Variants in CACHD1 observed in about 807,000 individuals in gnomAD.
CACHD1 encodes the protein VWFA and cache domain-containing protein 1.
CACHD1 carries 71 observed loss-of-function variants against 138.7 expected under a neutral mutation model. The observed-to-expected ratio is 0.51, with a 90% confidence interval of 0.42 to 0.62. The LOEUF (loss-of-function observed/expected upper bound fraction) is 0.62. CACHD1 is among the 20% of genes least tolerant of loss of function. CACHD1 has a pLI of 0.00. For missense variants in CACHD1, 1,389 were observed against 1,625.3 expected, an observed-to-expected ratio of 0.85 and a Z score of 2.50; for synonymous variants, 578 against 591.5, an observed-to-expected ratio of 0.98 and a Z score of 0.33.
intron 16 of CACHD1, among the ~76,000 whole-genome samples, chr1:64,671,072 A>C (rs773372827): frequency 6.6e-6 from 1 of 152,186 alleles, no homozygotes; most frequent in Non-Finnish European, 1.5e-5. Context: ...TGTGGGAAAA[A>C]AACTGGACTA....
At chr1:64,473,700 T>C (rs1024028042) in intron 1 of CACHD1, among the ~76,000 whole-genome samples, 1 of 152,250 alleles carries the variant, frequency 6.6e-6, no homozygotes, top group African/African-American at 2.4e-5. Context: ...ACCATCTCAC[T>C]TTATGAGAAA....
At chr1:64,604,796 G>C (rs541708070) in intron 4 of CACHD1, among the ~76,000 whole-genome samples, 15 of 148,622 alleles carry the variant, frequency 1.0e-4, no homozygotes, top group Non-Finnish European at 1.9e-4. Context: ...GGGATTATAG[G>C]TGCCCACCAC....
chr1:64,487,051 G>C (rs1208328435), intron 1 of CACHD1, among the ~76,000 whole-genome samples: 1 of 152,096 alleles, frequency 6.6e-6, no homozygotes, highest in Non-Finnish European at 1.5e-5. Flanking sequence ...TGTGTGAAGG[G>C]CTGAAAGAAG....
In CACHD1 at chr1:64,470,570, C is replaced by G. The variant is rs1372520140; in HGVS notation, c.-175C>G. On this transcript the variant is annotated 5_prime_UTR_variant, in exon 1 of 27. Transcript: ENST00000651257. This position sits in a 1 kb window ranked among gnomAD's most constrained non-coding sequence, Gnocchi z 5.2. ...CCGCGATGGTGGCCGCCCGCGCTCC[C>G]GCGCTGTAGCCGGGCGCCCCCTAAG... 6.6e-6 allele frequency among the ~76,000 whole-genome samples: 1 copy of G among 151,830 alleles called. No individual in the cohort carries two copies. Among genetic ancestry groups the G allele is most frequent in the Non-Finnish European group, 1.5e-5 (1 of 67,924 alleles).
At chr1:64,589,944 AT>A (rs1458195290) in intron 3 of CACHD1, among the ~76,000 whole-genome samples, 1 of 152,110 alleles carries the variant, frequency 6.6e-6, no homozygotes, top group Admixed American at 6.5e-5. Context: ...TAACCTTCGG[AT>A]TTAGACTGGA....
In CACHD1 at chr1:64,470,991, A is replaced by G. The variant is rs1168625924; in HGVS notation, c.198+49A>G. 1 of 1,522,398 alleles carries G rather than the reference A, an allele frequency of 6.6e-7. No individual in the cohort carries two copies. Among genetic ancestry groups the G allele is most frequent in the Admixed American group, 1.9e-5 (1 of 52,104 alleles). 94.3% of individuals were successfully genotyped at this position (1,522,398 alleles called of 1,614,324 possible). On this transcript the variant is annotated intron_variant, in intron 1 of 26. Coordinates refer to ENST00000651257, the MANE Select transcript of CACHD1 (RefSeq NM_020925.4). The surrounding 1 kb of genome is among the most constrained non-coding windows in gnomAD (Gnocchi z 5.2). ...GACATCCCGCCTTTCTCCTTTGCTC[A>G]AACTCCCATCCCACTCCCGGTACAA...
In CACHD1 at chr1:64,602,823, A is replaced by G; in HGVS notation, c.428A>G (p.Asn143Ser). The change falls in exon 4 of 27, where the codon AAT becomes AGT. Residue 143 changes from asparagine (N) to serine (S), a missense_variant. Asn to Ser is a conservative substitution (Grantham distance 46). Coordinates refer to ENST00000651257, the MANE Select transcript of CACHD1 (RefSeq NM_020925.4). ...TGTTTCAGATTCGATGGGAACTTTAATACCAATGTGTCTAGAACAATTAGT... is the reference window on the plus strand; with the variant it reads ...TGTTTCAGATTCGATGGGAACTTTAGTACCAATGTGTCTAGAACAATTAGT... ...PSMMEFDGNF[N>S]TNVSRTISCD... 2 of 1,612,532 alleles carry G rather than the reference A, an allele frequency of 1.2e-6. No individual in the cohort carries two copies. Among genetic ancestry groups the G allele is most frequent in the East Asian group, 2.2e-5 (1 of 44,846 alleles).
intron 3 of CACHD1, among the ~76,000 whole-genome samples, chr1:64,591,210 G>A (rs1425661496): frequency 6.6e-6 from 1 of 152,040 alleles, no homozygotes; most frequent in Admixed American, 6.6e-5. Flanking sequence ...TCATCCATTC[G>A]TTTGAAAAAA....
chr1:64,475,854 G>A (rs1428845761), intron 1 of CACHD1, among the ~76,000 whole-genome samples: 1 of 152,144 alleles, frequency 6.6e-6, no homozygotes, highest in African/African-American at 2.4e-5. Flanking sequence ...CTAAAGCCTA[G>A]TCCATGCCCT....
intron 14 of CACHD1, 113 bp downstream of exon 14, chr1:64,663,950 G>A: frequency 5.1e-6 from 7 of 1,364,760 alleles, no homozygotes; most frequent in Non-Finnish European, 7.1e-6. Context: ...GTGCCTCTCA[G>A]CTGGAGAGCT....
chr1:64,647,678 CTG>C, intron 8 of CACHD1, 121 bp from the exon 9 acceptor site: 3 of 733,920 alleles, frequency 4.1e-6, no homozygotes, highest in African/African-American at 1.8e-5. Context: ...TATGTGGTCT[CTG>C]CAAAAACCCC....
At chr1:64,651,530 C>T (rs1266444855) in intron 9 of CACHD1, among the ~76,000 whole-genome samples, 1 of 152,124 alleles carries the variant, frequency 6.6e-6, no homozygotes, top group Non-Finnish European at 1.5e-5. Flanking sequence ...TGGCTCATCC[C>T]CATAGTCCCA....
Position 64,470,707 on chromosome 1 carries a change from C to A in CACHD1, c.-38C>A. The A allele has an allele frequency of 2.0e-6, 1 of 493,578 alleles. No homozygotes were observed. Among genetic ancestry groups the A allele is most frequent in the Non-Finnish European group, 3.4e-6 (1 of 290,392 alleles). 30.6% of individuals were successfully genotyped at this position (493,578 alleles called of 1,614,324 possible). On this transcript the variant is annotated 5_prime_UTR_variant, in exon 1 of 27. Coordinates refer to ENST00000651257, the MANE Select transcript of CACHD1 (RefSeq NM_020925.4). This position sits in a 1 kb window ranked among gnomAD's most constrained non-coding sequence, Gnocchi z 5.2. ...GCACCTCCCGCGGCCCGCTTCCCCGCGCCCGGAGCCCGTCGGCGGGGAGTG... is the reference window on the plus strand; with the variant it reads ...GCACCTCCCGCGGCCCGCTTCCCCGAGCCCGGAGCCCGTCGGCGGGGAGTG...
At chr1:64,500,175 C>G (rs768736015) in intron 1 of CACHD1, among the ~76,000 whole-genome samples, 4 of 152,190 alleles carry the variant, frequency 2.6e-5, no homozygotes, top group Non-Finnish European at 4.4e-5. Flanking sequence ...GGTAATGACA[C>G]AGGTTACTTC....
At chr1:64,635,109 G>A (rs1326387975) in intron 7 of CACHD1, among the ~76,000 whole-genome samples, 1 of 151,590 alleles carries the variant, frequency 6.6e-6, no homozygotes, top group Non-Finnish European at 1.5e-5. Flanking sequence ...ATCAAAGATG[G>A]TCAGTCTGTA....
chr1:64,686,289 T>A (rs1650368959), intron 26 of CACHD1, among the ~76,000 whole-genome samples: 1 of 152,208 alleles, frequency 6.6e-6, no homozygotes, highest in South Asian at 2.1e-4. Context: ...TCGGCTCTCA[T>A]GGTATGAGTT....
intron 2 of CACHD1, among the ~76,000 whole-genome samples, chr1:64,557,237 T>C (rs1303914744): frequency 6.6e-6 from 1 of 152,094 alleles, no homozygotes; most frequent in Admixed American, 6.5e-5. Context: ...AAATATGGTC[T>C]GCAAAACACA....
At chr1:64,649,672 G>A (rs1180284603) in intron 9 of CACHD1, among the ~76,000 whole-genome samples, 1 of 152,180 alleles carries the variant, frequency 6.6e-6, no homozygotes, top group African/African-American at 2.4e-5. Context: ...AGATCATATA[G>A]CCAAATTCTC....
chr1:64,543,071 T>A (rs1646689630), intron 1 of CACHD1, among the ~76,000 whole-genome samples: 1 of 152,034 alleles, frequency 6.6e-6, no homozygotes. Flanking sequence ...TAACAATAAA[T>A]TTTTTATATA....
Sources: allele counts gnomAD v4.1 joint callset (sites outside exome capture counted in the v4.1 genomes callset), GRCh38; gene constraint gnomAD v4.1.1; non-coding constraint Gnocchi (gnomAD v3.1); transcripts MANE v1.5; gene names NCBI Gene and HGNC (gene_info 2026-07-23, HGNC 2026-07-21).